Variants in HERC1 observed in about 807,000 individuals in gnomAD.
The protein encoded by HERC1 is HECT and RLD domain containing E3 ubiquitin protein ligase family member 1, also known as probable E3 ubiquitin-protein ligase HERC1.
HERC1 carries 160 observed loss-of-function variants against 554.3 expected under a neutral mutation model. That is an observed-to-expected ratio of 0.29 (90% CI 0.25 to 0.33). The LOEUF (loss-of-function observed/expected upper bound fraction) is 0.33, where lower values mean the gene tolerates loss of function less well. Among genes scored for constraint, HERC1 ranks in the 10% least tolerant of loss-of-function variants. The probability of loss-of-function intolerance (pLI) is 1.00; values close to 1 mark genes in which losing one functional copy is unlikely to be tolerated. For synonymous variants in HERC1, 2,175 were observed against 2,131.7 expected (o/e 1.02, Z -0.56); for missense variants, 4,919 against 5,918.5 (o/e 0.83, Z 5.54).
Position 63,643,407 on chromosome 15 carries a change from T to TA in HERC1, c.11327dup (p.Leu3776PhefsTer34). On this transcript the variant is annotated frameshift_variant, in exon 58 of 78. Coordinates refer to ENST00000443617, the MANE Select transcript of HERC1 (RefSeq NM_003922.4). LOFTEE classifies it high-confidence loss of function. The stretch of plus-strand genomic sequence containing the variant: ...AAAATAAAATCTATGCTCTTACCCT[T>TA]AAAGACCAAATGTTCATGAGCCCAC... 1 of 1,611,902 alleles carries TA rather than the reference T, an allele frequency of 6.2e-7. No individual in the cohort carries two copies. The highest frequency in any genetic ancestry group is 8.5e-7 in the Non-Finnish European group (1 of 1,179,030).
chr15:63,721,400 C>T (rs2073814329), intron 19 of HERC1, among the ~76,000 whole-genome samples: 1 of 152,070 alleles, frequency 6.6e-6, no homozygotes, highest in African/African-American at 2.4e-5. Flanking sequence ...GTGGTGCAGG[C>T]CTGTAATCCC....
chr15:63,659,840 C>A lies in HERC1; in HGVS notation c.9320G>T (p.Arg3107Leu), dbSNP rs751836694. 8 of 1,613,644 alleles carry A rather than the reference C, an allele frequency of 5.0e-6. No homozygotes were observed. Among genetic ancestry groups the A allele is most frequent in the African/African-American group, 2.7e-5 (2 of 74,872 alleles). The change falls in exon 47 of 78, where the codon CGC becomes CTC. Residue 3107 changes from arginine to leucine, a missense_variant. Transcript: ENST00000443617. ...LAGPLGLNDR[R>L]IVPEPVQFPD... ...GAACTGAACTGGTTCTGGTACAATG[C>A]GCCGGTCATTTAAACCAAGCGGTCC...
intron 69 of HERC1, 21 bp from the exon 70 acceptor site, chr15:63,628,836 T>C (rs750061330): frequency 1.2e-6 from 2 of 1,603,934 alleles, no homozygotes; most frequent in African/African-American, 1.3e-5. Context: ...ATCACAAATA[T>C]ACAGACATTC....
At position 63,615,854 on chromosome 15, in the gene HERC1, C is replaced by T. The variant is rs1198790243; in HGVS notation, c.14008G>A (p.Gly4670Arg). 1.9e-6 allele frequency: 3 copies of T among 1,607,204 alleles called. No individual in the cohort carries two copies. The highest frequency in any genetic ancestry group is 2.5e-6 in the Non-Finnish European group (3 of 1,177,292). The change falls in exon 76 of 78, where the codon GGA becomes AGA. Residue 4670 changes from glycine (G) to arginine (R), a missense_variant. Gly to Arg is a moderately radical substitution (Grantham distance 125). This residue lies in a region of HERC1 where 284 missense variants were observed against 294.1 expected (regional missense o/e 0.97). Transcript: ENST00000443617. ...GAAAATGTGAGTGGGATACTATTTC[C>T]ACCAGGGATTATAGGAACCATTTTG... ...DGKMVPIIPG[G>R]NSIPLTFSNR...
intron 12 of HERC1, among the ~76,000 whole-genome samples, chr15:63,740,306 C>G (rs990583284): frequency 6.6e-6 from 1 of 152,110 alleles, no homozygotes; most frequent in Non-Finnish European, 1.5e-5. Context: ...TATGAATATA[C>G]GAAATTTTGT....
At chr15:63,747,342 C>A (rs2075092667) in intron 11 of HERC1, among the ~76,000 whole-genome samples, 1 of 152,018 alleles carries the variant, frequency 6.6e-6, no homozygotes. Flanking sequence ...TGCCTGTAAT[C>A]CCAGCTACTC....
chr15:63,664,320 T>A, intron 43 of HERC1, 150 bp downstream of exon 43: 1 of 642,494 alleles, frequency 1.6e-6, no homozygotes, highest in South Asian at 2.7e-5. Context: ...ATTATGTAAA[T>A]GCATAGAAAA....
intron 24 of HERC1, among the ~76,000 whole-genome samples, chr15:63,708,960 T>C (rs1282386443): frequency 5.3e-5 from 8 of 152,190 alleles, no homozygotes; most frequent in Non-Finnish European, 1.2e-4. Flanking sequence ...ATCTTTGTAA[T>C]ATTCCATAAG....
Position 63,692,584 on chromosome 15 carries a change from G to T in HERC1, c.5675-18C>A. The T allele has an allele frequency of 6.3e-7, 1 of 1,579,990 alleles. No homozygotes were observed. The highest frequency in any genetic ancestry group is 1.9e-5 in the Admixed American group (1 of 51,316). ...AAGAGCAGCTACAGTGAAGAGACAA[G>T]TTTACGTTACAACCAAGAGCCAACA... On this transcript the variant is annotated intron_variant, in intron 30 of 77. Coordinates refer to ENST00000443617, the MANE Select transcript of HERC1 (RefSeq NM_003922.4). The surrounding 1 kb of genome is among the most constrained non-coding windows in gnomAD (Gnocchi z 4.7).
intron 45 of HERC1, 26 bp from the exon 46 acceptor site, chr15:63,661,051 AT>A: frequency 6.3e-7 from 1 of 1,579,874 alleles, no homozygotes; most frequent in Non-Finnish European, 8.7e-7. Flanking sequence ...AGAACATTGC[AT>A]TTTTATATAA....
intron 74 of HERC1, among the ~76,000 whole-genome samples, chr15:63,620,939 CTT>C (rs1186971930): frequency 6.6e-6 from 1 of 152,152 alleles, no homozygotes; most frequent in Non-Finnish European, 1.5e-5. Flanking sequence ...GGTCTTGACT[CTT>C]TATCCAATTT....
At chr15:63,629,904 A>G (rs2068471390) in intron 69 of HERC1, among the ~76,000 whole-genome samples, 1 of 152,146 alleles carries the variant, frequency 6.6e-6, no homozygotes, top group South Asian at 2.1e-4. Context: ...TCCCTCCTTC[A>G]TAAATAGAGG....
chr15:63,790,257 T>C (rs2076599068), intron 1 of HERC1, among the ~76,000 whole-genome samples: 1 of 152,124 alleles, frequency 6.6e-6, no homozygotes, highest in South Asian at 2.1e-4. Flanking sequence ...ACCACCAATA[T>C]TGGTTGTAGA....
intron 1 of HERC1, among the ~76,000 whole-genome samples, chr15:63,795,460 G>A (rs2076784716): frequency 6.6e-6 from 1 of 152,032 alleles, no homozygotes; most frequent in Non-Finnish European, 1.5e-5. Context: ...TTTAATATAA[G>A]AAAATTAACA....
intron 24 of HERC1, among the ~76,000 whole-genome samples, chr15:63,707,928 C>CAAAAA (rs71131176): frequency 2.1e-3 from 115 of 54,986 alleles, no homozygotes; most frequent in Middle Eastern, 0.012. Context: ...GACTCCCTCT[C>CAAAAA]AAAAAAAAAA....
chr15:63,814,912 A>AT (rs894968854), intron 1 of HERC1, among the ~76,000 whole-genome samples: 2 of 152,246 alleles, frequency 1.3e-5, no homozygotes, highest in African/African-American at 4.8e-5. Context: ...CAATGTACTA[A>AT]TGTGAGCTAT....
chr15:63,744,154 GTGTGTGTGTGTCTCTC>G (rs1378755875), intron 12 of HERC1, among the ~76,000 whole-genome samples: 3 of 42,092 alleles, frequency 7.1e-5, no homozygotes, highest in African/African-American at 1.4e-4. Flanking sequence ...GTGTGTGTGT[GTGTGTGTGTGTCTCTC>G]TCTCTCTCTC....
chr15:63,776,088 A>G (rs1472958053), intron 1 of HERC1, among the ~76,000 whole-genome samples: 1 of 151,978 alleles, frequency 6.6e-6, no homozygotes, highest in Non-Finnish European at 1.5e-5. Flanking sequence ...CTTCAGATGT[A>G]CCTTTTCCAT....
chr15:63,725,124 C>T (rs16947395), intron 18 of HERC1, among the ~76,000 whole-genome samples, 168 bp downstream of exon 18: 40 of 152,060 alleles, frequency 2.6e-4, no homozygotes, highest in African/African-American at 9.4e-4. Context: ...TTGTGCTGCA[C>T]GATTTAACCA....
Sources: allele counts gnomAD v4.1 joint callset (sites outside exome capture counted in the v4.1 genomes callset), GRCh38; gene constraint gnomAD v4.1.1; regional missense constraint gnomAD v4.1.1; non-coding constraint Gnocchi (gnomAD v3.1); transcripts MANE v1.5; gene names NCBI Gene and HGNC (gene_info 2026-07-23, HGNC 2026-07-21).